The following MARCHF3 variants were observed in gnomAD, a reference collection of about 807,000 sequenced individuals.
The protein encoded by MARCHF3 is E3 ubiquitin-protein ligase MARCHF3.
Under a neutral mutation model 24.2 loss-of-function variants are expected in MARCHF3, and 13 were observed. The ratio of observed to expected loss-of-function variants is 0.54; its 90% CI spans 0.35 to 0.85. The LOEUF is 0.85. Among genes scored for constraint, MARCHF3 ranks in the 40% least tolerant of loss-of-function variants. MARCHF3 has a pLI of 0.01. For synonymous variants in MARCHF3, 144 were observed against 137.3 expected (o/e 1.05, Z -0.34); for missense variants, 276 against 325.0 (o/e 0.85, Z 1.16).
At chr5:126,950,480 C>G (rs1750192363) in intron 1 of MARCHF3, among the ~76,000 whole-genome samples, 1 of 152,190 alleles carries the variant, frequency 6.6e-6, no homozygotes, top group East Asian at 1.9e-4. Context: ...GAAGAATCCA[C>G]AGAGAACTTC....
At position 126,901,242 on chromosome 5, in the gene MARCHF3, CTG is replaced by C. The variant is rs2126783017; in HGVS notation, c.393+13686_393+13687del. Among the ~76,000 whole-genome samples, 2 of 152,240 alleles carry C rather than the reference CTG, an allele frequency of 1.3e-5. 1 individual carries two copies. The highest frequency in any genetic ancestry group is 4.8e-5 in the African/African-American group (2 of 41,538). On this transcript the variant is annotated intron_variant, in intron 3 of 4. Transcript: ENST00000308660. ...ACAGTGCAAATCTAACCCCTTAACT[CTG>C]TAAAACTAGATTGCAAAGAATATTG...
At chr5:126,977,657 CT>C (rs1275813966) in intron 1 of MARCHF3, among the ~76,000 whole-genome samples, 6 of 152,016 alleles carry the variant, frequency 3.9e-5, no homozygotes, top group African/African-American at 1.5e-4. Flanking sequence ...GAAATTTATC[CT>C]ACAGTCATAC....
At chr5:126,986,074 A>G (rs1174195123) in intron 1 of MARCHF3, among the ~76,000 whole-genome samples, 3 of 152,252 alleles carry the variant, frequency 2.0e-5, no homozygotes, top group Non-Finnish European at 4.4e-5. Flanking sequence ...GTTCATTGTC[A>G]AATATTCCCC....
chr5:126,869,072 A>C lies in MARCHF3; in HGVS notation c.*1561T>G, dbSNP rs971701479. On this transcript the variant is annotated 3_prime_UTR_variant, in exon 5 of 5. Coordinates refer to ENST00000308660, the MANE Select transcript of MARCHF3 (RefSeq NM_178450.5). ...AGTACAGCTGTTTCCCTCCCCAGGC[A>C]GCGCTGGGAGCAGCCAGTGAATGGA... is the stretch of plus-strand genomic sequence containing the variant. 4 of 152,206 alleles carry C rather than the reference A, an allele frequency of 2.6e-5. No individual in the cohort carries two copies. The highest frequency in any genetic ancestry group is 4.4e-5 in the Non-Finnish European group (3 of 68,030). 9.4% of individuals were successfully genotyped at this position (152,206 alleles called of 1,614,324 possible).
At chr5:127,027,405 A>G (rs912018471) in intron 1 of MARCHF3, among the ~76,000 whole-genome samples, 1 of 152,172 alleles carries the variant, frequency 6.6e-6, no homozygotes, top group Non-Finnish European at 1.5e-5. Context: ...TTGTTCTAGA[A>G]CAGCTTTTAA....
At chr5:126,913,570 A>G (rs1754612696) in intron 3 of MARCHF3, among the ~76,000 whole-genome samples, 1 of 152,256 alleles carries the variant, frequency 6.6e-6, no homozygotes, top group Non-Finnish European at 1.5e-5. Flanking sequence ...AAGTGGCAAG[A>G]TGGCTAAATT....
chr5:127,019,129 G>A (rs1055542641), intron 1 of MARCHF3, among the ~76,000 whole-genome samples: 2 of 152,164 alleles, frequency 1.3e-5, no homozygotes, highest in African/African-American at 4.8e-5. Context: ...GTACATTCAA[G>A]TTCATTAGGG....
At chr5:126,937,094 T>A (rs893275134) in intron 1 of MARCHF3, among the ~76,000 whole-genome samples, 3 of 152,192 alleles carry the variant, frequency 2.0e-5, no homozygotes, top group Non-Finnish European at 2.9e-5. Flanking sequence ...CCAGGCTTTG[T>A]CAGAATAAAA....
At chr5:126,936,673 T>TTCTAAAC (rs1749656635) in intron 1 of MARCHF3, among the ~76,000 whole-genome samples, 1 of 152,188 alleles carries the variant, frequency 6.6e-6, no homozygotes, top group South Asian at 2.1e-4. Context: ...GAAAAAACAG[T>TTCTAAAC]TGAACAAATA....
chr5:126,893,635 T>C (rs890481703), intron 3 of MARCHF3, among the ~76,000 whole-genome samples: 3 of 149,660 alleles, frequency 2.0e-5, no homozygotes, highest in Non-Finnish European at 3.0e-5. Context: ...TCTAGTTTGA[T>C]TGCACTGTGG....
At chr5:126,927,495 G>A (rs569976945) in intron 1 of MARCHF3, among the ~76,000 whole-genome samples, 1 of 152,296 alleles carries the variant, frequency 6.6e-6, no homozygotes, top group South Asian at 2.1e-4. Flanking sequence ...CTTGCTCCCT[G>A]GCTGGGACCT....
At chr5:126,895,002 C>T (rs906940043) in intron 3 of MARCHF3, among the ~76,000 whole-genome samples, 9 of 152,050 alleles carry the variant, frequency 5.9e-5, no homozygotes, top group African/African-American at 2.2e-4. Flanking sequence ...GGAGGCTTTG[C>T]TTCTTTCTTT....
intron 1 of MARCHF3, among the ~76,000 whole-genome samples, chr5:126,968,281 GA>G (rs1750885079): frequency 1.3e-5 from 2 of 152,206 alleles, no homozygotes; most frequent in Non-Finnish European, 2.9e-5. Context: ...GTCATATGGT[GA>G]CTATTGTTTA....
intron 1 of MARCHF3, among the ~76,000 whole-genome samples, chr5:126,948,861 G>T (rs1201204260): frequency 6.6e-6 from 1 of 152,206 alleles, no homozygotes; most frequent in Non-Finnish European, 1.5e-5. Context: ...GCGAGCTGAG[G>T]AAGGTGAAAG....
At chr5:126,883,131 G>A (rs961740909) in intron 3 of MARCHF3, among the ~76,000 whole-genome samples, 2 of 152,184 alleles carry the variant, frequency 1.3e-5, no homozygotes, top group African/African-American at 4.8e-5. Context: ...CCCACTTGTG[G>A]ACAGCTTTTG....
intron 1 of MARCHF3, among the ~76,000 whole-genome samples, chr5:127,028,683 T>C (rs970102135): frequency 1.3e-5 from 2 of 152,156 alleles, no homozygotes; most frequent in African/African-American, 2.4e-5. Context: ...TGCATGGTGA[T>C]GTGACAAGCA....
chr5:126,905,753 G>T (rs1463720079), intron 3 of MARCHF3, among the ~76,000 whole-genome samples: 2 of 151,620 alleles, frequency 1.3e-5, no homozygotes, highest in Non-Finnish European at 2.9e-5. Flanking sequence ...CAATCATGTC[G>T]TCTGCAAACA....
At chr5:127,009,243 T>G (rs1289813859) in intron 1 of MARCHF3, among the ~76,000 whole-genome samples, 1 of 152,172 alleles carries the variant, frequency 6.6e-6, no homozygotes, top group Non-Finnish European at 1.5e-5. Context: ...CTTGGGAAAT[T>G]AAATTGATTG....
chr5:127,017,430 G>C (rs1309115418), intron 1 of MARCHF3, among the ~76,000 whole-genome samples: 1 of 152,098 alleles, frequency 6.6e-6, no homozygotes, highest in Admixed American at 6.6e-5. Flanking sequence ...CAACTTACAA[G>C]GGGTTTATAT....
Sources: gnomAD v4.1 joint callset for allele counts (sites outside exome capture counted in the v4.1 genomes callset) on GRCh38, gnomAD v4.1.1 for gene constraint, MANE v1.5 for transcripts, NCBI Gene and HGNC (gene_info 2026-07-23, HGNC 2026-07-21) for gene names.